The following PTDSS2 variants were observed in gnomAD, a reference collection of about 807,000 sequenced individuals.
PTDSS2 encodes the protein PSS-2.
In PTDSS2, 41 loss-of-function variants were observed where a neutral mutation model predicts 64.7. That is an observed-to-expected ratio of 0.63 (90% CI 0.49 to 0.82). PTDSS2 has a LOEUF of 0.82. Among genes scored for constraint, PTDSS2 ranks in the 40% least tolerant of loss-of-function variants. The probability of loss-of-function intolerance (pLI) is 0.00; values close to 1 mark genes in which losing one functional copy is unlikely to be tolerated. For synonymous variants in PTDSS2, 297 were observed against 277.8 expected (o/e 1.07, Z -0.69); for missense variants, 485 against 650.0 (o/e 0.75, Z 2.76).
chr11:464,555 G>A (rs1010925144), intron 2 of PTDSS2, among the ~76,000 whole-genome samples: 2 of 152,194 alleles, frequency 1.3e-5, no homozygotes, highest in Admixed American at 6.5e-5. Context: ...CTGTGCTGCC[G>A]GCCCCGGCTT....
chr11:453,438 A>G (rs867257139), intron 1 of PTDSS2, among the ~76,000 whole-genome samples: 1 of 152,192 alleles, frequency 6.6e-6, no homozygotes, highest in African/African-American at 2.4e-5. Flanking sequence ...GCTGGGGGCC[A>G]CTGTGATGTT....
intron 1 of PTDSS2, among the ~76,000 whole-genome samples, chr11:457,092 A>T (rs1166798374): frequency 6.6e-6 from 1 of 152,150 alleles, no homozygotes; most frequent in Non-Finnish European, 1.5e-5. Flanking sequence ...AATACAAAAA[A>T]ATCCAACCTG....
chr11:487,258 GCTGTCGT>G, intron 5 of PTDSS2, 155 bp from the exon 6 acceptor site: 1 of 911,118 alleles, frequency 1.1e-6, no homozygotes, highest in Non-Finnish European at 1.7e-6. Context: ...TGCTCTCTAG[GCTGTCGT>G]GGACGTGGTC....
At chr11:472,617 T>C (rs1649159679) in intron 2 of PTDSS2, among the ~76,000 whole-genome samples, 1 of 152,150 alleles carries the variant, frequency 6.6e-6, no homozygotes, top group South Asian at 2.1e-4. Context: ...GCCAGCGACC[T>C]TGTGCCCTCC....
At chr11:489,283 G>A (rs1181398771) in intron 8 of PTDSS2, 117 bp from the exon 9 acceptor site, 1 of 812,542 alleles carries the variant, frequency 1.2e-6, no homozygotes, top group Non-Finnish European at 2.0e-6. Context: ...ACCAAGAGCA[G>A]AGCTCGTCCG....
chr11:471,097 C>CT lies in PTDSS2; in HGVS notation c.285-2780dup, dbSNP rs36051705. Among the ~76,000 whole-genome samples, 522 of 129,260 alleles carry CT rather than the reference C, an allele frequency of 4.0e-3. 3 individuals are homozygous for CT. The highest frequency in any genetic ancestry group is 8.2e-3 in the African/African-American group (276 of 33,760). The allele number at this position is 129,260 out of a possible 152,430, so 84.8% of individuals were successfully genotyped here. A position where few individuals can be genotyped will look rare whatever the true frequency, so the allele number is the denominator to read the frequency against. On this transcript the variant is annotated intron_variant, in intron 2 of 11. Coordinates refer to ENST00000308020, the MANE Select transcript of PTDSS2 (RefSeq NM_030783.3). ...CACCTTCTCAAGTACTTAAGTAATT[C>CT]TTTTTTTTTTTTTTTTTTGAGACTG... is the stretch of plus-strand genomic sequence containing the variant.
intron 1 of PTDSS2, among the ~76,000 whole-genome samples, chr11:458,345 C>T (rs1846693560): frequency 6.6e-6 from 1 of 151,564 alleles, no homozygotes; most frequent in African/African-American, 2.4e-5. Context: ...GCTGGGACTA[C>T]AGGCGCCCAC....
At chr11:486,003 G>A (rs1448406179) in intron 4 of PTDSS2, among the ~76,000 whole-genome samples, 3 of 146,424 alleles carry the variant, frequency 2.0e-5, no homozygotes, top group Non-Finnish European at 4.5e-5. Flanking sequence ...CGTAAGCAGT[G>A]CACGGGCGCG....
In PTDSS2 at chr11:476,723, C is replaced by T. The variant is rs552515875; in HGVS notation, c.368-2362C>T. 2.0e-4 allele frequency among the ~76,000 whole-genome samples: 30 copies of T among 152,264 alleles called. No homozygotes were observed. Among genetic ancestry groups the T allele is most frequent in the South Asian group, 4.1e-4 (2 of 4,828 alleles). On this transcript the variant is annotated intron_variant, in intron 3 of 11. Transcript: ENST00000308020. The surrounding 1 kb of genome is among the most constrained non-coding windows in gnomAD (Gnocchi z 4.9). ...TCTTGGCGCTTCCAAAAGCTCCGGC[C>T]GCGGCGTCTCTTGAGTTGTGGCTCG...
chr11:452,322 C>CTTCA (rs1363689382), intron 1 of PTDSS2, among the ~76,000 whole-genome samples: 1 of 152,266 alleles, frequency 6.6e-6, no homozygotes, highest in African/African-American at 2.4e-5. Context: ...AGGCATGGAA[C>CTTCA]TTCAGAAGGC....
At chr11:452,236 G>A (rs1220835722) in intron 1 of PTDSS2, among the ~76,000 whole-genome samples, 1 of 152,216 alleles carries the variant, frequency 6.6e-6, no homozygotes, top group Non-Finnish European at 1.5e-5. Flanking sequence ...GCACATTGTG[G>A]GGACCCCTAC....
chr11:488,255 C>T lies in PTDSS2; in HGVS notation c.678C>T (p.Phe226=). 2 of 1,613,608 alleles carry T rather than the reference C, an allele frequency of 1.2e-6. No homozygotes were observed. The highest frequency in any genetic ancestry group is 1.3e-5 in the African/African-American group (1 of 75,044). Residue 226 remains phenylalanine (F), a synonymous_variant, in exon 7 of 12, where the codon TTC becomes TTT. Transcript: ENST00000308020. ...MCMIISVMFE[F]LEYSLEHQLP... ...TGATCATCAGCGTGATGTTCGAGTT[C>T]CTGGAGTACAGCCTGGAGCACCAGC...
chr11:468,400 C>T (rs1251254816), intron 2 of PTDSS2, among the ~76,000 whole-genome samples: 1 of 152,230 alleles, frequency 6.6e-6, no homozygotes, highest in Non-Finnish European at 1.5e-5. Context: ...CATGACACTG[C>T]GTTTGTCCGA....
At chr11:473,542 C>T (rs888430712) in intron 2 of PTDSS2, among the ~76,000 whole-genome samples, 4 of 147,646 alleles carry the variant, frequency 2.7e-5, no homozygotes, top group African/African-American at 5.2e-5. Flanking sequence ...GGCCACTGGG[C>T]GGGCTGCAAA....
chr11:460,420 TC>T lies in PTDSS2; in HGVS notation c.284+135del. On this transcript the variant is annotated intron_variant, in intron 2 of 11. Transcript: ENST00000308020. The surrounding 1 kb of genome is among the most constrained non-coding windows in gnomAD (Gnocchi z 5.8). ...AGGGCTGCGTGGGGCCGCCGGCCTCTCCCTTGAGTGTGTCTGATGTGCAGAC... is the reference window on the plus strand; with the variant it reads ...AGGGCTGCGTGGGGCCGCCGGCCTCTCCTTGAGTGTGTCTGATGTGCAGAC... The T allele has an allele frequency of 1.4e-6, 1 of 696,328 alleles. No individual in the cohort carries two copies. The highest frequency in any genetic ancestry group is 2.5e-6 in the Non-Finnish European group (1 of 395,898). 43.1% of individuals were successfully genotyped at this position (696,328 alleles called of 1,614,324 possible).
At chr11:482,337 C>T (rs1318514816) in intron 4 of PTDSS2, among the ~76,000 whole-genome samples, 3 of 151,960 alleles carry the variant, frequency 2.0e-5, no homozygotes, top group South Asian at 4.1e-4. Flanking sequence ...ATTCTCGTGC[C>T]TCACCCTCCG....
Position 460,511 on chromosome 11 carries a change from C to T in PTDSS2, c.284+223C>T, listed in dbSNP as rs1252566821. The T allele has an allele frequency of 5.6e-6, 3 of 538,498 alleles. No homozygotes were observed. Among genetic ancestry groups the T allele is most frequent in the Non-Finnish European group, 1.0e-5 (3 of 297,448 alleles). The allele number at this position is 538,498 out of a possible 1,614,324, so 33.4% of individuals were successfully genotyped here. On this transcript the variant is annotated intron_variant, in intron 2 of 11. Transcript: ENST00000308020. The surrounding 1 kb of genome is among the most constrained non-coding windows in gnomAD (Gnocchi z 5.8). ...GCCCCCGTCGCCTGTCACTGGGAGC[C>T]AGGAGTCTGTGTCATCTCCACGTGA...
intron 1 of PTDSS2, among the ~76,000 whole-genome samples, chr11:457,468 CATG>C (rs2056630610): frequency 6.6e-6 from 1 of 152,188 alleles, no homozygotes; most frequent in African/African-American, 2.4e-5. Context: ...TCACGATGTT[CATG>C]ATGTTGCCCC....
intron 8 of PTDSS2, 72 bp downstream of exon 8, chr11:488,719 A>C: frequency 8.8e-7 from 1 of 1,133,398 alleles, no homozygotes; most frequent in South Asian, 1.2e-5. Flanking sequence ...TCCGTGCTCC[A>C]GCAGACCCCG....
Sources: allele counts gnomAD v4.1 joint callset (sites outside exome capture counted in the v4.1 genomes callset), GRCh38; gene constraint gnomAD v4.1.1; non-coding constraint Gnocchi (gnomAD v3.1); transcripts MANE v1.5; gene names NCBI Gene and HGNC (gene_info 2026-07-23, HGNC 2026-07-21).